Variants in SLC2A7 observed in about 807,000 individuals in gnomAD.
The protein encoded by SLC2A7 is solute carrier family 2 member 7, also known as solute carrier family 2, facilitated glucose transporter member 7.
Under a neutral mutation model 50.5 loss-of-function variants are expected in SLC2A7, and 50 were observed. That is an observed-to-expected ratio of 0.99 (90% CI 0.79 to 1.25). The LOEUF (loss-of-function observed/expected upper bound fraction) is 1.25, where lower values mean the gene tolerates loss of function less well. SLC2A7 is among the 50% of genes most tolerant of loss of function. SLC2A7 has a pLI of 0.00. For missense variants in SLC2A7, 683 were observed against 679.1 expected (o/e 1.01, Z -0.06); for synonymous variants, 308 against 300.4 (o/e 1.03, Z -0.26).
rs527494818 is a variant in SLC2A7, at chr1:9,019,189, G to A, written c.436+20C>T. The A allele has an allele frequency of 4.7e-5, 76 of 1,611,558 alleles. No homozygotes were observed. Among genetic ancestry groups the A allele is most frequent in the Non-Finnish European group, 5.6e-5 (66 of 1,178,536 alleles). ...CAGACCCTTCCCCCAAGGCTGAGCC[G>A]GAGCCTGGGCCCCAGGTACCTGCAC... On this transcript the variant is annotated intron_variant, in intron 4 of 11. Transcript: ENST00000400906.
intron 5 of SLC2A7, 67 bp from the exon 6 acceptor site, chr1:9,015,309 C>T (rs1200572671): frequency 8.1e-6 from 12 of 1,481,754 alleles, no homozygotes; most frequent in East Asian, 4.8e-5. Flanking sequence ...CCACTGTGCT[C>T]GGAAGGTCAC....
chr1:9,017,909 G>C (rs1640853166), intron 5 of SLC2A7, among the ~76,000 whole-genome samples: 1 of 152,182 alleles, frequency 6.6e-6, no homozygotes, highest in Admixed American at 6.5e-5. Flanking sequence ...TCCTATGGCA[G>C]CCAAATTATG....
At chr1:8,993,430 GCA>G in the SLC2A7 span, among the ~76,000 whole-genome samples, 1 of 152,106 alleles carries the variant, frequency 6.6e-6, no homozygotes, top group Non-Finnish European at 1.5e-5. Flanking sequence ...CCACATGGCT[GCA>G]ATTTAAAAAG....
intron 10 of SLC2A7, among the ~76,000 whole-genome samples, chr1:9,005,564 A>T (rs1170645851): frequency 2.0e-5 from 3 of 152,010 alleles, no homozygotes; most frequent in Non-Finnish European, 4.4e-5. Flanking sequence ...GGCCTCATTG[A>T]AAAGGTCCGG....
At chr1:9,024,949 C>T (rs1307206608) in intron 2 of SLC2A7, 27 bp downstream of exon 2, 1 of 1,608,896 alleles carries the variant, frequency 6.2e-7, no homozygotes, top group Non-Finnish European at 8.5e-7. Flanking sequence ...TGCTGCCCGG[C>T]CCACCTTGTG....
In SLC2A7 at chr1:9,023,057, C is replaced by T. The variant is rs1445881119; in HGVS notation, c.172G>A (p.Glu58Lys). 18 of 1,613,624 alleles carry T rather than the reference C, an allele frequency of 1.1e-5. No homozygotes were observed. In the Admixed American group the frequency reaches 1.7e-4, roughly 15 times the overall value. ...PHKVFKSFYN[E>K]TYFERHATFM... Reference sequence around the variant, plus strand: ...GTTGCGTGTCGCTCAAAGTAGGTTTCGTTGTAAAATGACTTGAAGACCTGG... The same window carrying T: ...GTTGCGTGTCGCTCAAAGTAGGTTTTGTTGTAAAATGACTTGAAGACCTGG... The change falls in exon 3 of 12, where the codon GAA becomes AAA. Residue 58 changes from glutamate (E) to lysine (K), a missense_variant. By Grantham distance (56) the Glu-to-Lys change is moderately conservative. Coordinates refer to ENST00000400906, the MANE Select transcript of SLC2A7 (RefSeq NM_207420.3).
In SLC2A7 at chr1:9,023,037, G is replaced by T; in HGVS notation, c.192C>A (p.His64Gln). ...TGAGCTTCCCGTCCATGAATGTTGC[G>T]TGTCGCTCAAAGTAGGTTTCGTTGT... is the stretch of plus-strand genomic sequence containing the variant. The part of the protein sequence containing the change: ...SFYNETYFER[H>Q]ATFMDGKLML... The change falls in exon 3 of 12, where the codon CAC becomes CAA. Residue 64 changes from histidine to glutamine, a missense_variant. Transcript: ENST00000400906. 1 of 1,614,158 alleles carries T rather than the reference G, an allele frequency of 6.2e-7. No individual in the cohort carries two copies. The highest frequency in any genetic ancestry group is 8.5e-7 in the Non-Finnish European group (1 of 1,180,010).
downstream of SLC2A7, among the ~76,000 whole-genome samples, chr1:9,001,010 A>G (rs997026042): frequency 4.6e-5 from 7 of 152,178 alleles, no homozygotes; most frequent in Admixed American, 2.6e-4. Flanking sequence ...CCTGACCCAC[A>G]GGAACCAGGA....
downstream of SLC2A7, among the ~76,000 whole-genome samples, chr1:9,000,893 G>A (rs1390206131): frequency 6.6e-6 from 1 of 151,928 alleles, no homozygotes; most frequent in Non-Finnish European, 1.5e-5. Context: ...ATCAGAAGCG[G>A]AAGAAGCCTC....
chr1:9,002,710 C>A (rs1404239064), downstream of SLC2A7, among the ~76,000 whole-genome samples: 2 of 152,242 alleles, frequency 1.3e-5, no homozygotes, highest in African/African-American at 4.8e-5. Context: ...GCCCACTGTT[C>A]TTTCTCTATA....
At position 9,022,722 on chromosome 1, in the gene SLC2A7, C is replaced by A. The variant is rs1640929820; in HGVS notation, c.311+196G>T. On this transcript the variant is annotated intron_variant, in intron 3 of 11. Coordinates refer to ENST00000400906, the MANE Select transcript of SLC2A7 (RefSeq NM_207420.3). ...GACGGAAGGGAATGCTTTTCCCATG[C>A]AACTACCTAGGAAAGAAATCCCAGA... Among the ~76,000 whole-genome samples, 3 of 152,120 alleles carry A rather than the reference C, an allele frequency of 2.0e-5. No homozygotes were observed. In the South Asian group the frequency reaches 6.2e-4, roughly 31 times the overall value.
At chr1:9,004,613 C>T (rs538137054) in intron 11 of SLC2A7, 139 bp downstream of exon 11, 10 of 1,054,864 alleles carry the variant, frequency 9.5e-6, no homozygotes, top group South Asian at 3.0e-5. Context: ...AGTGGGGCCA[C>T]GTGTGTCTGT....
chr1:9,019,408 T>C, intron 3 of SLC2A7, 75 bp from the exon 4 acceptor site: 1 of 1,582,116 alleles, frequency 6.3e-7, no homozygotes, highest in African/African-American at 1.3e-5. Context: ...GCTCCTATTC[T>C]GCGGGCAGTC....
intron 5 of SLC2A7, among the ~76,000 whole-genome samples, chr1:9,015,680 TC>T (rs1640819717): frequency 9.9e-5 from 15 of 151,682 alleles, no homozygotes; most frequent in Admixed American, 9.9e-4. Flanking sequence ...AGGGTCTCCG[TC>T]TGCCTCCCAC....
chr1:9,011,824 A>G (rs1268398402), intron 8 of SLC2A7, among the ~76,000 whole-genome samples: 6 of 136,132 alleles, frequency 4.4e-5, no homozygotes, highest in Admixed American at 3.5e-4. Context: ...ACCGTGGCTC[A>G]CTGCAACCTC....
At chr1:8,997,661 G>A in the SLC2A7 span, among the ~76,000 whole-genome samples, 6 of 152,158 alleles carry the variant, frequency 3.9e-5, no homozygotes, top group Non-Finnish European at 7.3e-5. Context: ...GCCTCCCAAA[G>A]TGCTAGGATT....
the SLC2A7 span, among the ~76,000 whole-genome samples, chr1:8,997,532 C>A: frequency 1.3e-5 from 2 of 152,028 alleles, no homozygotes; most frequent in Non-Finnish European, 2.9e-5. Flanking sequence ...TCCCGAGTAG[C>A]TGGAATCATA....
chr1:8,995,063 G>A, the SLC2A7 span, among the ~76,000 whole-genome samples: 1 of 143,398 alleles, frequency 7.0e-6, no homozygotes, highest in Non-Finnish European at 1.5e-5. Flanking sequence ...GAGCCACCAC[G>A]CCTGGCCAGA....
intron 2 of SLC2A7, among the ~76,000 whole-genome samples, chr1:9,024,437 C>T (rs555112987): frequency 3.9e-5 from 6 of 152,248 alleles, no homozygotes; most frequent in African/African-American, 1.2e-4. Context: ...TAAGCATAGA[C>T]GTATACCAAG....
Sources: allele counts gnomAD v4.1 joint callset (sites outside exome capture counted in the v4.1 genomes callset), GRCh38; gene constraint gnomAD v4.1.1; transcripts MANE v1.5; gene names NCBI Gene and HGNC (gene_info 2026-07-23, HGNC 2026-07-21).